The following TMEM135 variants were observed in gnomAD, a reference collection of about 807,000 sequenced individuals.
TMEM135 encodes peroxisomal membrane protein 52.
In TMEM135, 30 loss-of-function variants were observed where a neutral mutation model predicts 60.3. The observed-to-expected ratio is 0.50, with a 90% CI of 0.37 to 0.68. TMEM135 has a LOEUF of 0.68. Among genes scored for constraint, TMEM135 ranks in the 30% least tolerant of loss-of-function variants. The pLI is 0.00. For synonymous variants in TMEM135, 190 were observed against 186.7 expected (o/e 1.02, Z -0.14); for missense variants, 468 against 548.8 (o/e 0.85, Z 1.47).
chr11:87,248,130 T>C (rs1490695814), intron 6 of TMEM135, among the ~76,000 whole-genome samples: 1 of 152,210 alleles, frequency 6.6e-6, no homozygotes, highest in African/African-American at 2.4e-5. Context: ...TTGCAAATCT[T>C]GGCTGTTGTG....
At chr11:87,309,761 T>A in intron 10 of TMEM135, 89 bp downstream of exon 10, 1 of 1,379,034 alleles carries the variant, frequency 7.3e-7, no homozygotes, top group Non-Finnish European at 1.0e-6. Flanking sequence ...ACTTATTTTT[T>A]AATGCTTCTT....
intron 6 of TMEM135, among the ~76,000 whole-genome samples, chr11:87,268,942 T>A (rs567638406): frequency 6.6e-6 from 1 of 152,236 alleles, no homozygotes; most frequent in South Asian, 2.1e-4. Flanking sequence ...TAGTTTAAAT[T>A]ATTTGTTTTT....
chr11:87,322,301 G>A lies in TMEM135; in HGVS notation c.*968G>A. 2.2e-6 allele frequency: 1 copy of A among 454,022 alleles called. No homozygotes were observed. Among genetic ancestry groups the A allele is most frequent in the Non-Finnish European group, 4.4e-6 (1 of 226,724 alleles). 28.1% of individuals were successfully genotyped at this position (454,022 alleles called of 1,614,324 possible). On this transcript the variant is annotated 3_prime_UTR_variant, in exon 15 of 15. Transcript: ENST00000305494. ...CTCTCAGCTGTTTAACTTATGTAATGGATGTTTTGCACCTGAAAACACTAT... is the reference window on the plus strand; with the variant it reads ...CTCTCAGCTGTTTAACTTATGTAATAGATGTTTTGCACCTGAAAACACTAT...
At position 87,322,137 on chromosome 11, in the gene TMEM135, A is replaced by G. The variant is rs553778523; in HGVS notation, c.*804A>G. ...GAATATTTAAAAACAAAACTTTTAA[A>G]CTTCCTATAGGTTTATGATGTTTGT... On this transcript the variant is annotated 3_prime_UTR_variant, in exon 15 of 15. Transcript: ENST00000305494. 6.6e-6 allele frequency: 3 copies of G among 453,296 alleles called. No homozygotes were observed. The highest frequency in any genetic ancestry group is 1.3e-5 in the Non-Finnish European group (3 of 226,124). 28.1% of individuals were successfully genotyped at this position (453,296 alleles called of 1,614,324 possible). A position where few individuals can be genotyped will look rare whatever the true frequency, so the allele number is the denominator to read the frequency against.
intron 1 of TMEM135, among the ~76,000 whole-genome samples, chr11:87,041,932 CA>C (rs1298803387): frequency 4.6e-5 from 7 of 152,168 alleles, no homozygotes; most frequent in African/African-American, 1.7e-4. Context: ...CAGATTGTTG[CA>C]GTTGCCATTA....
At chr11:87,282,166 G>C (rs547065265) in intron 6 of TMEM135, among the ~76,000 whole-genome samples, 1 of 152,276 alleles carries the variant, frequency 6.6e-6, no homozygotes, top group African/African-American at 2.4e-5. Flanking sequence ...GATAAGAGAA[G>C]CCAGCATGAA....
chr11:87,107,131 A>G (rs556263352), intron 4 of TMEM135, among the ~76,000 whole-genome samples: 90 of 152,290 alleles, frequency 5.9e-4, no homozygotes, highest in Non-Finnish European at 1.0e-3. Context: ...TTCATTGGGG[A>G]CAAATATACA....
At chr11:87,147,488 A>G (rs889717358) in intron 4 of TMEM135, among the ~76,000 whole-genome samples, 2 of 150,750 alleles carry the variant, frequency 1.3e-5, no homozygotes, top group Non-Finnish European at 1.5e-5. Flanking sequence ...GGCATGTGCC[A>G]CTGTGCCTAG....
chr11:87,218,111 T>C (rs1019165849), intron 5 of TMEM135, among the ~76,000 whole-genome samples: 5 of 152,108 alleles, frequency 3.3e-5, no homozygotes, highest in African/African-American at 1.2e-4. Context: ...AGAGGGGTGC[T>C]GTCTAGGTAA....
chr11:87,293,409 A>C (rs1423575119), intron 6 of TMEM135, among the ~76,000 whole-genome samples: 1 of 152,050 alleles, frequency 6.6e-6, no homozygotes, highest in African/African-American at 2.4e-5. Context: ...AACAACAAAA[A>C]ACGAGATACA....
chr11:87,065,496 C>T (rs1343574501), intron 1 of TMEM135, among the ~76,000 whole-genome samples: 1 of 152,038 alleles, frequency 6.6e-6, no homozygotes, highest in Admixed American at 6.6e-5. Context: ...ATATATTTTC[C>T]TATTTTCTAA....
intron 6 of TMEM135, among the ~76,000 whole-genome samples, chr11:87,247,955 A>G (rs4944679): frequency 0.72 from 108,675 of 150,758 alleles, 39,588 homozygotes; most frequent in Non-Finnish European, 0.76. Flanking sequence ...CGTCGCTCAC[A>G]CTGGGGGCTT....
intron 5 of TMEM135, among the ~76,000 whole-genome samples, chr11:87,192,880 A>G (rs538530231): frequency 3.2e-4 from 48 of 152,236 alleles, no homozygotes; most frequent in Admixed American, 7.2e-4. Context: ...TTTCAGTGGC[A>G]AAGGTGGGCA....
chr11:87,224,488 C>T (rs1940722826), intron 5 of TMEM135, among the ~76,000 whole-genome samples: 1 of 152,008 alleles, frequency 6.6e-6, no homozygotes. Context: ...TCTAGAAGCT[C>T]TTATTTATTT....
At chr11:87,221,381 A>G in intron 5 of TMEM135, among the ~76,000 whole-genome samples, 1 of 152,200 alleles carries the variant, frequency 6.6e-6, no homozygotes, top group South Asian at 2.1e-4. Flanking sequence ...CCAAAGGGGA[A>G]TTGTGCACGT....
At chr11:87,178,104 A>T (rs1253586366) in intron 5 of TMEM135, among the ~76,000 whole-genome samples, 7 of 152,038 alleles carry the variant, frequency 4.6e-5, no homozygotes, top group African/African-American at 1.4e-4. Flanking sequence ...TGATTAAATT[A>T]TTGGCCATGT....
intron 4 of TMEM135, among the ~76,000 whole-genome samples, chr11:87,099,744 G>A (rs1168950531): frequency 6.9e-6 from 1 of 144,078 alleles, no homozygotes; most frequent in Non-Finnish European, 1.5e-5. Flanking sequence ...GTGCAGTGGC[G>A]TGATCTTGGC....
intron 4 of TMEM135, among the ~76,000 whole-genome samples, chr11:87,110,939 G>C (rs973163919): frequency 1.3e-5 from 2 of 152,122 alleles, no homozygotes; most frequent in African/African-American, 4.8e-5. Flanking sequence ...TACTTGCCTG[G>C]AGCTGACATG....
intron 1 of TMEM135, among the ~76,000 whole-genome samples, chr11:87,058,875 C>G (rs537051002): frequency 1.3e-5 from 2 of 152,244 alleles, no homozygotes; most frequent in African/African-American, 4.8e-5. Flanking sequence ...CTGCCTCACC[C>G]TCCCAAAGTG....
Sources: allele counts gnomAD v4.1 joint callset (sites outside exome capture counted in the v4.1 genomes callset), GRCh38; gene constraint gnomAD v4.1.1; transcripts MANE v1.5; gene names NCBI Gene and HGNC (gene_info 2026-07-23, HGNC 2026-07-21).